Variants in ENO4 observed in about 807,000 individuals in gnomAD.
ENO4 encodes 2-phospho-D-glycerate hydro-lyase.
Under a neutral mutation model 63.2 loss-of-function variants are expected in ENO4, and 53 were observed. That is an observed-to-expected ratio of 0.84 (90% CI 0.67 to 1.05). ENO4 has a LOEUF of 1.05. ENO4 is among the 50% of genes least tolerant of loss of function. The pLI is 0.00. For missense variants in ENO4, 719 were observed against 772.0 expected, an observed-to-expected ratio of 0.93 and a Z score of 0.81; for synonymous variants, 266 against 283.8, an observed-to-expected ratio of 0.94 and a Z score of 0.63.
chr10:116,854,499 G>A (rs1326689384), intron 1 of ENO4, among the ~76,000 whole-genome samples: 1 of 151,158 alleles, frequency 6.6e-6, no homozygotes, highest in Admixed American at 6.6e-5. Flanking sequence ...GGCAGAGGTT[G>A]CGGTGAGCAG....
chr10:116,911,184 G>A (rs1277251418), intron 10 of ENO4, among the ~76,000 whole-genome samples: 4 of 152,184 alleles, frequency 2.6e-5, no homozygotes, highest in East Asian at 1.9e-4. Flanking sequence ...TGCAGTAGCC[G>A]CTGATTCCAT....
intron 10 of ENO4, among the ~76,000 whole-genome samples, chr10:116,890,795 G>T: frequency 6.6e-6 from 1 of 152,214 alleles, no homozygotes; most frequent in East Asian, 1.9e-4. Context: ...AACCATACTG[G>T]TACCAGAAGA....
chr10:116,860,987 A>G, intron 5 of ENO4, 24 bp downstream of exon 5: 1 of 1,528,688 alleles, frequency 6.5e-7, no homozygotes. Flanking sequence ...AAGTTCCATT[A>G]AAAGGAGCCA....
At chr10:116,909,393 T>A (rs1419445223) in intron 10 of ENO4, among the ~76,000 whole-genome samples, 1 of 152,218 alleles carries the variant, frequency 6.6e-6, no homozygotes, top group Non-Finnish European at 1.5e-5. Context: ...TACAATTTTT[T>A]AAAAATTGCT....
chr10:116,870,876 A>G (rs546986986), intron 8 of ENO4, among the ~76,000 whole-genome samples: 1 of 152,112 alleles, frequency 6.6e-6, no homozygotes, highest in Non-Finnish European at 1.5e-5. Context: ...GAGAGAACAC[A>G]GACACACTAA....
chr10:116,855,518 C>A, intron 1 of ENO4, 105 bp from the exon 2 acceptor site: 1 of 1,384,774 alleles, frequency 7.2e-7, no homozygotes, highest in Non-Finnish European at 9.9e-7. Context: ...AAACTAGAGT[C>A]AATGTGAATG....
chr10:116,879,263 A>G, intron 11 of ENO4, 28 bp from the exon 12 acceptor site: 2 of 1,524,102 alleles, frequency 1.3e-6, no homozygotes, highest in Non-Finnish European at 1.8e-6. Context: ...TCTACACCAT[A>G]TAAAACTGAA....
At chr10:116,901,452 A>C in intron 10 of ENO4, 1 of 985,264 alleles carries the variant, frequency 1.0e-6, no homozygotes, top group Non-Finnish European at 1.2e-6. Flanking sequence ...CGATGTATTT[A>C]ATCTTGAAAG....
Position 116,881,439 on chromosome 10 carries a change from T to A in ENO4, c.1724-76T>A, listed in dbSNP as rs189607605. On this transcript the variant is annotated intron_variant, in intron 13 of 13. Coordinates refer to ENST00000341276, the MANE Select transcript of ENO4 (RefSeq NM_001242699.2). ...ACCTTTGGACTAGTACTGAAGATGA[T>A]CTCCTTCAACTTATGTAGTATATAA... 1.5e-5 allele frequency: 18 copies of A among 1,164,678 alleles called. No individual in the cohort carries two copies. The African/African-American group carries it at 2.6e-4, about 17-fold the overall frequency. 72.1% of individuals were successfully genotyped at this position (1,164,678 alleles called of 1,614,324 possible).
chr10:116,894,421 G>C (rs1051987421), intron 10 of ENO4, among the ~76,000 whole-genome samples: 7 of 152,172 alleles, frequency 4.6e-5, no homozygotes. Flanking sequence ...CAAACTGCCT[G>C]TCTGGCAGTT....
intron 10 of ENO4, among the ~76,000 whole-genome samples, chr10:116,905,593 A>G (rs1232167230): frequency 3.3e-5 from 5 of 152,208 alleles, no homozygotes; most frequent in Admixed American, 2.0e-4. Context: ...TTGTCTGAGT[A>G]AATCTCTCTC....
rs745765645 is a variant in ENO4, at chr10:116,871,252, A to G, written c.1175A>G (p.His392Arg). The G allele has an allele frequency of 6.4e-7, 1 of 1,550,540 alleles. No homozygotes were observed. The highest frequency in any genetic ancestry group is 1.2e-5 in the South Asian group (1 of 84,058). The change falls in exon 9 of 14, where the codon CAT becomes CGT. Residue 392 changes from histidine (H) to arginine (R), a missense_variant. His to Arg is a conservative substitution (Grantham distance 29). Around this residue, in one of 3 missense-constraint regions of ENO4, gnomAD observed 544 missense variants for 583.6 expected, o/e 0.93. Coordinates refer to ENST00000341276, the MANE Select transcript of ENO4 (RefSeq NM_001242699.2). ...NLGLELGTNL[H>R]LAINCAGHEL... Reference sequence around the variant, plus strand: ...GGGCTAGAACTGGGAACAAATCTGCATCTAGCTATCAACTGTGCTGGACAT... The same window carrying G: ...GGGCTAGAACTGGGAACAAATCTGCGTCTAGCTATCAACTGTGCTGGACAT...
rs189065497 is a variant in ENO4 at position 116,856,494 on chromosome 10, C to T, written c.297C>T (p.Asn99=). The T allele has an allele frequency of 6.5e-6, 10 of 1,535,508 alleles. No homozygotes were observed. The highest frequency in any genetic ancestry group is 3.6e-5 in the South Asian group (3 of 84,008). ...IFCTIQNFPK[N]VCSVVISTHF... ...GAACACATTTATATGATTTTCAGAA[C>T]GTATGTTCTGTGGTGATCTCGACTC... Residue 99 remains asparagine (N), a splice_region_variant and synonymous_variant, in exon 3 of 14, where the codon AAC becomes AAT. Coordinates refer to ENST00000341276, the MANE Select transcript of ENO4 (RefSeq NM_001242699.2).
At chr10:116,911,630 A>G in exon 11 of ENO4, 2 of 1,556,428 alleles carry the variant, frequency 1.3e-6, no homozygotes, top group Non-Finnish European at 1.7e-6. Flanking sequence ...AACATATGTG[A>G]TGGAGCAGTC....
rs187247039 is a variant in ENO4 at position 116,864,682 on chromosome 10, C to A, written c.990+1830C>A. 3.3e-5 allele frequency among the ~76,000 whole-genome samples: 5 copies of A among 152,142 alleles called. No homozygotes were observed. In the East Asian group the frequency reaches 9.7e-4, roughly 29 times the overall value. The stretch of plus-strand genomic sequence containing the variant: ...ACAGTCCCTTCTCTAAAGGTAACTG[C>A]CGTTAAAAATTGAGTGTGGCCTTCC... On this transcript the variant is annotated intron_variant, in intron 7 of 13. Coordinates refer to ENST00000341276, the MANE Select transcript of ENO4 (RefSeq NM_001242699.2).
At position 116,891,038 on chromosome 10, in the gene ENO4, T is replaced by C. The variant is rs540166052; in HGVS notation, c.1194+11052T>C. Among the ~76,000 whole-genome samples the C allele has an allele frequency of 5.9e-5, 9 of 152,336 alleles. No homozygotes were observed. The South Asian group carries it at 6.2e-4, about 11-fold the overall frequency. ...TAACTAATGCCCAAAAGAGCCCTAA[T>C]AGACGTGGTTCTGAGCTCAATTGAA... On this transcript the variant is annotated intron_variant, in intron 10 of 10. Transcript: ENST00000369207.
At chr10:116,879,843 A>C (rs1360703466) in intron 12 of ENO4, 26 bp from the exon 13 acceptor site, 1 of 1,515,604 alleles carries the variant, frequency 6.6e-7, no homozygotes, top group Non-Finnish European at 8.9e-7. Context: ...TCCTCCGTCT[A>C]AAATTAGTTT....
At chr10:116,849,888 G>C in intron 1 of ENO4, 157 bp downstream of exon 1, 1 of 868,730 alleles carries the variant, frequency 1.2e-6, no homozygotes, top group Non-Finnish European at 1.9e-6. Context: ...TGGAGGGAAG[G>C]AGCGGGAAGG....
At chr10:116,901,571 C>G in intron 10 of ENO4, 2 of 985,316 alleles carry the variant, frequency 2.0e-6, no homozygotes, top group Non-Finnish European at 2.4e-6. Context: ...GTACATGGTA[C>G]TTGCTTTGGA....
Sources: gnomAD v4.1 joint callset for allele counts (sites outside exome capture counted in the v4.1 genomes callset) on GRCh38, gnomAD v4.1.1 for gene constraint, gnomAD v4.1.1 regional missense constraint, MANE v1.5 for transcripts, NCBI Gene and HGNC (gene_info 2026-07-23, HGNC 2026-07-21) for gene names.